Variants in TAFA4 observed in about 807,000 individuals in gnomAD.
TAFA4 encodes TAFA chemokine like family member 4.
TAFA4 carries 20 observed loss-of-function variants against 21.1 expected under a neutral mutation model. That is an observed-to-expected ratio of 0.95 (90% confidence interval 0.67 to 1.38). The LOEUF is 1.38. Among genes scored for constraint, TAFA4 ranks in the 40% most tolerant of loss-of-function variants. The pLI is 0.00. For missense variants in TAFA4, 211 were observed against 180.9 expected (o/e 1.17, Z -0.95); for synonymous variants, 71 against 67.4 (o/e 1.05, Z -0.26).
intron 4 of TAFA4, among the ~76,000 whole-genome samples, chr3:68,743,593 A>G (rs1275782790): frequency 6.6e-6 from 1 of 151,114 alleles, no homozygotes; most frequent in African/African-American, 2.5e-5. Context: ...AAAAAAAGAA[A>G]AAGTTAAGTT....
intron 3 of TAFA4, among the ~76,000 whole-genome samples, chr3:68,812,896 C>T (rs1372217079): frequency 2.0e-5 from 3 of 152,132 alleles, no homozygotes; most frequent in African/African-American, 7.2e-5. Flanking sequence ...CACACCACAC[C>T]TATTCCAAAA....
intron 3 of TAFA4, among the ~76,000 whole-genome samples, chr3:68,832,216 C>G (rs909203444): frequency 1.3e-5 from 2 of 152,152 alleles, no homozygotes; most frequent in African/African-American, 2.4e-5. Flanking sequence ...CAGTTTTGTT[C>G]CCTTGCTGGT....
chr3:68,821,825 A>G (rs1296814817), intron 3 of TAFA4, among the ~76,000 whole-genome samples: 1 of 152,216 alleles, frequency 6.6e-6, no homozygotes, highest in East Asian at 1.9e-4. Flanking sequence ...AAGAAAAATG[A>G]GAAAATATTG....
In TAFA4 at chr3:68,856,136, G is replaced by C. The variant is rs116033162; in HGVS notation, c.130+24594C>G. On this transcript the variant is annotated intron_variant, in intron 3 of 5. Coordinates refer to ENST00000295569, the MANE Select transcript of TAFA4 (RefSeq NM_182522.5). The stretch of plus-strand genomic sequence containing the variant: ...CCGTGGTGTAAGGAAAAAACATGCT[G>C]ATTTGGTTAAACTACTCAGTTGATT... Among the ~76,000 whole-genome samples the C allele has an allele frequency of 7.0e-3, 1,064 of 152,128 alleles. 6 individuals carry two copies. Among genetic ancestry groups the C allele is most frequent in the Non-Finnish European group, 0.012 (806 of 67,998 alleles).
chr3:68,882,443 A>T (rs762323150), intron 2 of TAFA4, among the ~76,000 whole-genome samples: 2 of 152,152 alleles, frequency 1.3e-5, no homozygotes, highest in Non-Finnish European at 2.9e-5. Flanking sequence ...ACATTTCCAC[A>T]TGGGAGTAAC....
intron 3 of TAFA4, among the ~76,000 whole-genome samples, chr3:68,877,912 ATTAG>A (rs1436042834): frequency 1.3e-5 from 2 of 152,278 alleles, no homozygotes; most frequent in Middle Eastern, 3.4e-3. Context: ...ATTTTTCCTT[ATTAG>A]TTATCCCAAT....
At chr3:68,770,593 A>T (rs1702935908) in intron 3 of TAFA4, among the ~76,000 whole-genome samples, 1 of 150,732 alleles carries the variant, frequency 6.6e-6, no homozygotes, top group East Asian at 1.9e-4. Flanking sequence ...TTTCCAAGGG[A>T]TAGATCCACA....
chr3:68,759,617 G>A (rs776717965), intron 3 of TAFA4, among the ~76,000 whole-genome samples: 6 of 152,144 alleles, frequency 3.9e-5, no homozygotes, highest in East Asian at 1.9e-4. Context: ...ATGGTGTGGC[G>A]ATCCATCTTG....
chr3:68,822,693 A>C (rs1475640544), intron 3 of TAFA4, among the ~76,000 whole-genome samples: 1 of 152,084 alleles, frequency 6.6e-6, no homozygotes, highest in Non-Finnish European at 1.5e-5. Context: ...GCTGGTTTCC[A>C]GCTCCTGAAC....
rs1484944406 is a variant in TAFA4, at chr3:68,743,592, AAAAGTT to A, written c.287-4399_287-4394del. Among the ~76,000 whole-genome samples, 329 of 151,748 alleles carry A rather than the reference AAAAGTT, an allele frequency of 2.2e-3. 2 individuals carry two copies. The highest frequency in any genetic ancestry group is 7.8e-3 in the African/African-American group (321 of 41,294). On this transcript the variant is annotated intron_variant, in intron 4 of 5. Coordinates refer to ENST00000295569, the MANE Select transcript of TAFA4 (RefSeq NM_182522.5). ...CTCTGTCTCAAAAAAAAAAAAAAGA[AAAAGTT>A]AAGTTATATTCTTTGCAGCCTCAAA...
chr3:68,912,147 A>G (rs1341442253), intron 1 of TAFA4, among the ~76,000 whole-genome samples: 1 of 152,140 alleles, frequency 6.6e-6, no homozygotes, highest in Non-Finnish European at 1.5e-5. Flanking sequence ...ATCCCACGAA[A>G]GAGGAGCCCA....
chr3:68,774,064 G>A (rs1559516631), intron 3 of TAFA4, among the ~76,000 whole-genome samples: 1 of 152,094 alleles, frequency 6.6e-6, no homozygotes, highest in Non-Finnish European at 1.5e-5. Flanking sequence ...GTCAAGCTAG[G>A]CCTGGGGGTA....
At chr3:68,817,260 A>G (rs1397703157) in intron 3 of TAFA4, among the ~76,000 whole-genome samples, 2 of 152,218 alleles carry the variant, frequency 1.3e-5, no homozygotes, top group African/African-American at 2.4e-5. Flanking sequence ...ATCCGTAAGA[A>G]GCAACCCCTC....
chr3:68,791,832 G>A (rs1446027364), intron 3 of TAFA4, among the ~76,000 whole-genome samples: 1 of 152,184 alleles, frequency 6.6e-6, no homozygotes, highest in Non-Finnish European at 1.5e-5. Flanking sequence ...CTAGATATGT[G>A]AAACTTTTGT....
At chr3:68,881,457 G>T (rs1436596631) in intron 2 of TAFA4, among the ~76,000 whole-genome samples, 1 of 152,146 alleles carries the variant, frequency 6.6e-6, no homozygotes. Context: ...TGACAATTCA[G>T]TTGCATGGTC....
chr3:68,890,449 G>T (rs4855536), intron 1 of TAFA4, among the ~76,000 whole-genome samples: 8 of 151,964 alleles, frequency 5.3e-5, no homozygotes, highest in Non-Finnish European at 1.2e-4. Flanking sequence ...TTTGAATGTT[G>T]TGGTTAATTC....
intron 3 of TAFA4, among the ~76,000 whole-genome samples, chr3:68,837,732 A>C (rs981061840): frequency 6.6e-6 from 1 of 152,220 alleles, no homozygotes; most frequent in African/African-American, 2.4e-5. Context: ...GACAAAGGTT[A>C]AGAAATATTC....
At chr3:68,741,284 G>A (rs957561548) in intron 4 of TAFA4, among the ~76,000 whole-genome samples, 1 of 151,990 alleles carries the variant, frequency 6.6e-6, no homozygotes, top group African/African-American at 2.4e-5. Flanking sequence ...ATATTGTTCT[G>A]TTTCTTTCAT....
chr3:68,752,824 T>G (rs1702580634), intron 4 of TAFA4, 39 bp downstream of exon 4: 2 of 1,613,542 alleles, frequency 1.2e-6, no homozygotes, highest in African/African-American at 1.3e-5. Context: ...GGTTTTGGCC[T>G]TTTTGAAATA....
Sources: allele counts gnomAD v4.1 joint callset (sites outside exome capture counted in the v4.1 genomes callset), GRCh38; gene constraint gnomAD v4.1.1; transcripts MANE v1.5; gene names NCBI Gene and HGNC (gene_info 2026-07-23, HGNC 2026-07-21).